CAMTA1: variants seen among roughly 807,000 people sequenced by gnomAD.
CAMTA1 encodes the protein calmodulin-binding transcription activator 1.
In CAMTA1, 27 loss-of-function variants were observed where a neutral mutation model predicts 170.9. The observed-to-expected ratio is 0.16, with a 90% CI of 0.12 to 0.22. The LOEUF is 0.22. Ranked by LOEUF, CAMTA1 falls within the 10% of genes least tolerant of loss-of-function variation. The pLI, the probability that CAMTA1 is intolerant of heterozygous loss-of-function variation, is 1.00. For missense variants in CAMTA1, 1,619 were observed against 2,217.2 expected, an observed-to-expected ratio of 0.73 and a Z score of 5.42; for synonymous variants, 833 against 891.5, an observed-to-expected ratio of 0.93 and a Z score of 1.17.
rs1043103889 is a variant in CAMTA1 at position 7,671,099 on chromosome 1, G to A, written c.2779+62G>A. The A allele has an allele frequency of 1.3e-5, 20 of 1,588,770 alleles. No individual in the cohort carries two copies. The Admixed American group carries it at 2.0e-4, about 16-fold the overall frequency. Reference sequence around the variant, plus strand: ...TGATGGCCTGAGGAGCACTGGACTCGGAGTTGGCCTTGGGGTGACCTTGAG... The same window carrying A: ...TGATGGCCTGAGGAGCACTGGACTCAGAGTTGGCCTTGGGGTGACCTTGAG... On this transcript the variant is annotated intron_variant, in intron 10 of 22. Transcript: ENST00000303635.
Position 7,492,693 on chromosome 1 carries a change from ACAAACACACACGCAGG to A in CAMTA1, c.510+24795_510+24810del, listed in dbSNP as rs1394791494. On this transcript the variant is annotated intron_variant, in intron 6 of 22. Transcript: ENST00000303635. The stretch of plus-strand genomic sequence containing the variant: ...AACACACACACACAAACACAAACCT[ACAAACACACACGCAGG>A]CACACACACAAACACAAACCTACAT... Among the ~76,000 whole-genome samples, 839 of 149,746 alleles carry A rather than the reference ACAAACACACACGCAGG, an allele frequency of 5.6e-3. 15 individuals carry two copies. Among genetic ancestry groups the A allele is most frequent in the African/African-American group, 0.019 (745 of 40,146 alleles).
chr1:7,598,594 C>T (rs2095418182), intron 6 of CAMTA1, among the ~76,000 whole-genome samples: 2 of 152,144 alleles, frequency 1.3e-5, no homozygotes, highest in Non-Finnish European at 2.9e-5. Flanking sequence ...CTCTCCAGCA[C>T]CTGTTGTTTC....
At position 7,355,205 on chromosome 1, in the gene CAMTA1, CAAA is replaced by C. The variant is rs200603818; in HGVS notation, c.438+105595_438+105597del. 1.8e-3 allele frequency among the ~76,000 whole-genome samples: 203 copies of C among 112,850 alleles called. 1 individual carries two copies. Among genetic ancestry groups the C allele is most frequent in the Middle Eastern group, 4.7e-3 (1 of 214 alleles). 74.0% of individuals were successfully genotyped at this position (112,850 alleles called of 152,430 possible). On this transcript the variant is annotated intron_variant, in intron 5 of 22. Coordinates refer to ENST00000303635, the MANE Select transcript of CAMTA1 (RefSeq NM_015215.4). ...TGGGTGACAGAGCAAAACTCCGTCT[CAAA>C]AAAAAAAAAAAAAAAGAAAGAAAAA... is the stretch of plus-strand genomic sequence containing the variant.
At chr1:7,735,995 G>A (rs536788538) in intron 12 of CAMTA1, among the ~76,000 whole-genome samples, 4 of 151,860 alleles carry the variant, frequency 2.6e-5, no homozygotes, top group South Asian at 2.1e-4. Flanking sequence ...GGCTGGTCTC[G>A]AACTCCTGAC....
chr1:7,244,904 A>T (rs1041932808), intron 4 of CAMTA1, among the ~76,000 whole-genome samples: 5 of 151,940 alleles, frequency 3.3e-5, no homozygotes, highest in Non-Finnish European at 4.4e-5. Flanking sequence ...ATAATAATAA[A>T]AATAAATACA....
chr1:7,237,804 C>A (rs1352260926), intron 4 of CAMTA1, among the ~76,000 whole-genome samples: 1 of 152,240 alleles, frequency 6.6e-6, no homozygotes, highest in Admixed American at 6.5e-5. Flanking sequence ...TGCACCATTT[C>A]ATTACTCTCT....
intron 5 of CAMTA1, among the ~76,000 whole-genome samples, chr1:7,440,777 G>A (rs1379369757): frequency 2.6e-5 from 4 of 152,162 alleles, no homozygotes; most frequent in East Asian, 1.9e-4. Flanking sequence ...CGTGGCTTGC[G>A]GGCCAAGCGA....
chr1:7,366,426 C>T (rs906987285), intron 5 of CAMTA1, among the ~76,000 whole-genome samples: 4 of 152,208 alleles, frequency 2.6e-5, no homozygotes, highest in Non-Finnish European at 5.9e-5. Context: ...GGAGAAAGCT[C>T]AGAATAGCTG....
At chr1:6,833,539 G>A (rs1369204654) in intron 3 of CAMTA1, among the ~76,000 whole-genome samples, 1 of 152,176 alleles carries the variant, frequency 6.6e-6, no homozygotes, top group Non-Finnish European at 1.5e-5. Context: ...CTGTTCTCAA[G>A]CAGGTTCTTT....
At chr1:6,900,321 G>A (rs1210513077) in intron 3 of CAMTA1, among the ~76,000 whole-genome samples, 2 of 152,142 alleles carry the variant, frequency 1.3e-5, no homozygotes, top group Non-Finnish European at 2.9e-5. Flanking sequence ...TCCCGTTCCC[G>A]TGCAATGAGA....
At chr1:7,708,403 C>T (rs1350667996) in intron 11 of CAMTA1, among the ~76,000 whole-genome samples, 1 of 152,104 alleles carries the variant, frequency 6.6e-6, no homozygotes, top group African/African-American at 2.4e-5. Flanking sequence ...GAGGCCAAGG[C>T]AGAAGGATTG....
intron 5 of CAMTA1, among the ~76,000 whole-genome samples, chr1:7,442,739 T>A (rs2092578599): frequency 6.6e-6 from 1 of 152,188 alleles, no homozygotes; most frequent in Non-Finnish European, 1.5e-5. Context: ...TGGGTTGTTG[T>A]TAAGAGTAAA....
intron 11 of CAMTA1, among the ~76,000 whole-genome samples, chr1:7,716,666 CT>C (rs1407639737): frequency 6.6e-6 from 1 of 152,050 alleles, no homozygotes; most frequent in African/African-American, 2.4e-5. Flanking sequence ...GATGGTCCCC[CT>C]AGAGTTAGTT....
At chr1:6,978,992 G>A (rs1003171846) in intron 3 of CAMTA1, among the ~76,000 whole-genome samples, 1 of 152,148 alleles carries the variant, frequency 6.6e-6, no homozygotes, top group African/African-American at 2.4e-5. Flanking sequence ...TGGGGAGCTC[G>A]CTCTCCCTTG....
At chr1:7,398,425 G>T (rs549089957) in intron 5 of CAMTA1, among the ~76,000 whole-genome samples, 1 of 150,358 alleles carries the variant, frequency 6.7e-6, no homozygotes, top group South Asian at 2.1e-4. Flanking sequence ...TTTTCCATTT[G>T]CATGGAATAT....
chr1:6,830,555 C>G (rs1649510380), intron 3 of CAMTA1, among the ~76,000 whole-genome samples: 1 of 151,998 alleles, frequency 6.6e-6, no homozygotes, highest in Non-Finnish European at 1.5e-5. Flanking sequence ...GTTGGTTAGG[C>G]TGGTCTCCAA....
intron 4 of CAMTA1, among the ~76,000 whole-genome samples, chr1:7,188,142 C>A (rs1346960524): frequency 6.6e-6 from 1 of 152,108 alleles, no homozygotes; most frequent in East Asian, 1.9e-4. Flanking sequence ...ATTATCCTGA[C>A]AACAGCATGG....
intron 5 of CAMTA1, among the ~76,000 whole-genome samples, chr1:7,328,660 T>G (rs1173464987): frequency 6.6e-6 from 1 of 152,188 alleles, no homozygotes. Context: ...TGTATTGGCT[T>G]CCTTAGTAAT....
At chr1:7,696,117 CTTT>C (rs1467161785) in intron 11 of CAMTA1, among the ~76,000 whole-genome samples, 1 of 152,180 alleles carries the variant, frequency 6.6e-6, no homozygotes, top group Non-Finnish European at 1.5e-5. Context: ...ATGTCACAGT[CTTT>C]TGACTCCACT....
Sources: gnomAD v4.1 joint callset for allele counts (sites outside exome capture counted in the v4.1 genomes callset) on GRCh38, gnomAD v4.1.1 for gene constraint, MANE v1.5 for transcripts, NCBI Gene and HGNC (gene_info 2026-07-23, HGNC 2026-07-21) for gene names.